Variants in FBXW5 observed in about 807,000 individuals in gnomAD.
FBXW5 encodes F-box and WD repeat domain containing 5.
Under a neutral mutation model 50.9 loss-of-function variants are expected in FBXW5, and 74 were observed. That is an observed-to-expected ratio of 1.45 (90% confidence interval 1.20 to 1.76). The LOEUF (loss-of-function observed/expected upper bound fraction) is 1.76. FBXW5 is among the 40% of genes most tolerant of loss of function. The pLI is 0.00. For missense variants in FBXW5, 1,073 were observed against 818.8 expected (o/e 1.31, Z -3.79); for synonymous variants, 523 against 362.2 (o/e 1.44, Z -5.04).
chr9:136,944,272 G>T, intron 1 of FBXW5, 166 bp from the exon 2 acceptor site: 1 of 811,448 alleles, frequency 1.2e-6, no homozygotes, highest in South Asian at 2.5e-5. Flanking sequence ...GCAGCTCCGG[G>T]CGGGCCGGGC....
At position 136,942,928 on chromosome 9, in the gene FBXW5, G is replaced by T; in HGVS notation, c.367C>A (p.Leu123Met). The stretch of plus-strand genomic sequence containing the variant: ...GCGCTGTGCAGCAGCGAGATGGTCA[G>T]GTCGTTGCTCCAGATCTGTTCGGCA... ...DCTVKIWSND[L>M]TISLLHSADM... The change falls in exon 4 of 9, where the codon CTG (leucine) becomes ATG (methionine). Residue 123 changes from leucine to methionine, a missense_variant. Physicochemically the swap from Leu to Met is conservative, Grantham distance 15. Transcript: ENST00000325285. The T allele has an allele frequency of 6.2e-7, 1 of 1,613,378 alleles. No homozygotes were observed. Among genetic ancestry groups the T allele is most frequent in the East Asian group, 2.2e-5 (1 of 44,868 alleles).
chr9:136,944,596 C>T lies in FBXW5; in HGVS notation c.-26G>A, dbSNP rs1241822344. ...CCGAGGGCCGCAGGCGCACTCACCA[C>T]GGCCGCCTCCGCCCGCTGCGCCGCC... is the stretch of plus-strand genomic sequence containing the variant. On this transcript the variant is annotated splice_region_variant and 5_prime_UTR_variant, in exon 1 of 9. It adds an upstream start codon to the 5' untranslated region. Coordinates refer to ENST00000325285, the MANE Select transcript of FBXW5 (RefSeq NM_018998.4). The T allele has an allele frequency of 2.0e-6, 2 of 984,332 alleles. No homozygotes were observed. The highest frequency in any genetic ancestry group is 2.4e-6 in the Non-Finnish European group (2 of 829,286). The allele number at this position is 984,332 out of a possible 1,614,324, so 61.0% of individuals were successfully genotyped here. A position where few individuals can be genotyped will look rare whatever the true frequency, so the allele number is the denominator to read the frequency against.
intron 3 of FBXW5, 50 bp from the exon 4 acceptor site, chr9:136,942,993 G>A (rs771926213): frequency 1.2e-6 from 2 of 1,608,644 alleles, no homozygotes; most frequent in Admixed American, 3.3e-5. Flanking sequence ...TCGCGGGGCG[G>A]GGGCCTGCTA....
Position 136,942,403 on chromosome 9 carries a change from T to C in FBXW5, c.739A>G (p.Ser247Gly). The change falls in exon 6 of 9, where the codon AGC becomes GGC. Residue 247 changes from serine (S) to glycine (G), a missense_variant. Physicochemically the swap from Ser to Gly is moderately conservative, Grantham distance 56. Coordinates refer to ENST00000325285, the MANE Select transcript of FBXW5 (RefSeq NM_018998.4). Reference protein sequence around the residue: ...RLFKIQNLNASTVRTVMVADC... With the variant: ...RLFKIQNLNAGTVRTVMVADC... The stretch of plus-strand genomic sequence containing the variant: ...GCCACCATCACCGTGCGGACGGTGC[T>C]GGCATTGAGGTTCTGGATCTTGAAC... 3.7e-6 allele frequency: 6 copies of C among 1,609,590 alleles called. No individual in the cohort carries two copies. Among genetic ancestry groups the C allele is most frequent in the African/African-American group, 1.3e-5 (1 of 74,960 alleles).
At position 136,941,348 on chromosome 9, in the gene FBXW5, G is replaced by A. The variant is rs769425591; in HGVS notation, c.1360C>T (p.Arg454Trp). Reference protein sequence around the residue: ...DLLVFDLKTMREVRRALRAHR... With the variant: ...DLLVFDLKTMWEVRRALRAHR... ...GCACGCAGAGCCCGCCTCACCTCCC[G>A]CATGGTCTTGAGGTCGAACACCAGC... is the stretch of plus-strand genomic sequence containing the variant. Residue 454 changes from arginine (R) to tryptophan (W), a missense_variant, in exon 8 of 9, where the codon CGG becomes TGG. Arg to Trp is a moderately radical substitution (Grantham distance 101). Transcript: ENST00000325285. 1.4e-5 allele frequency: 22 copies of A among 1,611,354 alleles called. No homozygotes were observed. Among genetic ancestry groups the A allele is most frequent in the African/African-American group, 6.7e-5 (5 of 74,930 alleles).
Position 136,940,543 on chromosome 9 carries a change from A to G in FBXW5, c.*385T>C, listed in dbSNP as rs968666916. The G allele has an allele frequency of 2.3e-5, 6 of 265,052 alleles. No individual in the cohort carries two copies. The highest frequency in any genetic ancestry group is 6.5e-5 in the African/African-American group (3 of 45,804). The allele number at this position is 265,052 out of a possible 1,614,324, so 16.4% of individuals were successfully genotyped here. On this transcript the variant is annotated 3_prime_UTR_variant, in exon 9 of 9. Coordinates refer to ENST00000325285, the MANE Select transcript of FBXW5 (RefSeq NM_018998.4). ...GCCGCTCCCAAGCCCCGGGCGCACA[A>G]CCACAGCCAGGAGCAGCCCCTGCCA...
intron 6 of FBXW5, 26 bp from the exon 7 acceptor site, chr9:136,941,710 C>T (rs757283364): frequency 1.3e-6 from 2 of 1,542,378 alleles, no homozygotes; most frequent in East Asian, 2.4e-5. Flanking sequence ...CGGTGAGGGT[C>T]CCTGTCCAAT....
rs755093481 is a variant in FBXW5, at chr9:136,943,994, C to T, written c.90G>A (p.Gly30=). 1.4e-4 allele frequency: 217 copies of T among 1,590,500 alleles called. No homozygotes were observed. The highest frequency in any genetic ancestry group is 1.8e-4 in the Non-Finnish European group (206 of 1,169,856). ...SLGPADVLAA[G]LVCRQWQAVS... Reference sequence around the variant, plus strand: ...CGGCCTGCCATTGGCGGCACACCAGCCCGGCGGCCAGCACGTCGGCCGGGC... The same window carrying T: ...CGGCCTGCCATTGGCGGCACACCAGTCCGGCGGCCAGCACGTCGGCCGGGC... The change falls in exon 2 of 9, where the codon GGG becomes GGA. Residue 30 remains glycine, a synonymous_variant. Coordinates refer to ENST00000325285, the MANE Select transcript of FBXW5 (RefSeq NM_018998.4).
rs62580408 is a variant in FBXW5, at chr9:136,942,958, C to T, written c.352-15G>A. On this transcript the variant is annotated splice_polypyrimidine_tract_variant and intron_variant, in intron 3 of 8. Coordinates refer to ENST00000325285, the MANE Select transcript of FBXW5 (RefSeq NM_018998.4). ...TTGCTCCAGATCTGTTCGGCAGGGG[C>T]GGCTGTAGTGATCGCCTGGCCAGGT... is the stretch of plus-strand genomic sequence containing the variant. 2,637 of 1,612,112 alleles carry T rather than the reference C, an allele frequency of 1.6e-3. 40 individuals carry two copies. The African/African-American group carries it at 0.03, about 18-fold the overall frequency.
At position 136,942,294 on chromosome 9, in the gene FBXW5, C is replaced by T. The variant is rs1850806716; in HGVS notation, c.848G>A (p.Gly283Asp). ...AGCCACCACCTCCTCGTTGTCGCTG[C>T]CCAGGTCAAAGATGCGGCAGGGGGA... ...ATSPCRIFDLGSDNEEVVAGP... is the reference protein window; with the variant it reads ...ATSPCRIFDLDSDNEEVVAGP... Residue 283 changes from glycine (G) to aspartate (D), a missense_variant, in exon 6 of 9, where the codon GGC becomes GAC. Physicochemically the swap from Gly to Asp is moderately conservative, Grantham distance 94. Coordinates refer to ENST00000325285, the MANE Select transcript of FBXW5 (RefSeq NM_018998.4). 1.9e-6 allele frequency: 3 copies of T among 1,592,740 alleles called. No individual in the cohort carries two copies. The highest frequency in any genetic ancestry group is 2.6e-6 in the Non-Finnish European group (3 of 1,170,548).
chr9:136,943,815 G>A, intron 2 of FBXW5, 76 bp downstream of exon 2: 1 of 1,469,592 alleles, frequency 6.8e-7, no homozygotes, highest in Admixed American at 2.1e-5. Flanking sequence ...CGGGCCCCCA[G>A]CCAGGCTGAC....
chr9:136,940,856 G>T lies in FBXW5; in HGVS notation c.*72C>A. On this transcript the variant is annotated 3_prime_UTR_variant, in exon 9 of 9. Coordinates refer to ENST00000325285, the MANE Select transcript of FBXW5 (RefSeq NM_018998.4). ...TGCTATAAGCATCTCCACCTCTCCC[G>T]CTCGGGAAAAAGCCACAGAGCCTGG... 6.6e-7 allele frequency: 1 copy of T among 1,514,774 alleles called. No homozygotes were observed. The allele number at this position is 1,514,774 out of a possible 1,614,324, so 93.8% of individuals were successfully genotyped here. A position where few individuals can be genotyped will look rare whatever the true frequency, so the allele number is the denominator to read the frequency against.
chr9:136,943,379 G>A lies in FBXW5; in HGVS notation c.321C>T (p.Phe107=), dbSNP rs142320232. 2.9e-4 allele frequency: 466 copies of A among 1,612,904 alleles called. No homozygotes were observed. Among genetic ancestry groups the A allele is most frequent in the Non-Finnish European group, 3.6e-4 (419 of 1,179,952 alleles). Residue 107 remains phenylalanine (F), a synonymous_variant, in exon 3 of 9, where the codon TTC becomes TTT. Coordinates refer to ENST00000325285, the MANE Select transcript of FBXW5 (RefSeq NM_018998.4). The part of the protein sequence containing the change: ...HLSFSHSGYQ[F]ASCSKDCTVK... ...CAGTGCAGTCCTTGGAGCAGGACGC[G>A]AACTGGTACCCGGAATGGGAGAAGC...
rs757957345 is a variant in FBXW5 at position 136,942,944 on chromosome 9, C to T, written c.352-1G>A. The stretch of plus-strand genomic sequence containing the variant: ...AGATGGTCAGGTCGTTGCTCCAGAT[C>T]TGTTCGGCAGGGGCGGCTGTAGTGA... On this transcript the variant is annotated splice_acceptor_variant, in intron 3 of 8. Transcript: ENST00000325285. LOFTEE classifies it high-confidence loss of function. 13 of 1,612,818 alleles carry T rather than the reference C, an allele frequency of 8.1e-6. No individual in the cohort carries two copies. Among genetic ancestry groups the T allele is most frequent in the Non-Finnish European group, 1.0e-5 (12 of 1,179,904 alleles).
In FBXW5 at chr9:136,943,451, C is replaced by T; in HGVS notation, c.249G>A (p.Val83=). The stretch of plus-strand genomic sequence containing the variant: ...TGTGTTCCCGCAGCGTCTGCACCTC[C>T]ACGCAGGGCACCGTGTCATACAGCC... The part of the protein sequence containing the change: ...FQRLYDTVPC[V]EVQTLREHTD... Residue 83 remains valine (V), a synonymous_variant, in exon 3 of 9, where the codon GTG becomes GTA. Transcript: ENST00000325285. 6.2e-7 allele frequency: 1 copy of T among 1,612,812 alleles called. No individual in the cohort carries two copies.
At position 136,944,735 on chromosome 9, in the gene FBXW5, C is replaced by A. The variant is rs190248219; in HGVS notation, c.-165G>T. The A allele has an allele frequency of 1.0e-6, 1 of 985,570 alleles. No homozygotes were observed. Among genetic ancestry groups the A allele is most frequent in the Non-Finnish European group, 1.2e-6 (1 of 829,924 alleles). 61.1% of individuals were successfully genotyped at this position (985,570 alleles called of 1,614,324 possible). The stretch of plus-strand genomic sequence containing the variant: ...CCACGAGCCCCGAGGCATCGATGGC[C>A]GAGGAAGGCAGAGCGCGCGGGTAGC... On this transcript the variant is annotated 5_prime_UTR_variant, in exon 1 of 9. Transcript: ENST00000325285.
chr9:136,941,498 C>G, intron 7 of FBXW5, 35 bp from the exon 8 acceptor site: 4 of 1,606,056 alleles, frequency 2.5e-6, no homozygotes, highest in Non-Finnish European at 3.4e-6. Flanking sequence ...TGTGGGCCGC[C>G]TGCGGGCACC....
chr9:136,942,000 C>G, intron 6 of FBXW5, 46 bp downstream of exon 6: 1 of 1,551,864 alleles, frequency 6.4e-7, no homozygotes, highest in Non-Finnish European at 8.7e-7. Context: ...CCGGCCTCCC[C>G]CAAGCTCCTA....
rs367960843 is a variant in FBXW5, at chr9:136,944,049, C to T, written c.35G>A (p.Ser12Asn). Reference sequence around the variant, plus strand: ...GCTCAGGAAGATCTGGTAGACCAGGCTGTCGGGGAGCAGGGGCGTGCCGCC... The same window carrying T: ...GCTCAGGAAGATCTGGTAGACCAGGTTGTCGGGGAGCAGGGGCGTGCCGCC... ...DEGGTPLLPD[S>N]LVYQIFLSLG... Residue 12 changes from serine (S) to asparagine (N), a missense_variant, in exon 2 of 9, where the codon AGC becomes AAC. Physicochemically the swap from Ser to Asn is conservative, Grantham distance 46 (BLOSUM62 1). Coordinates refer to ENST00000325285, the MANE Select transcript of FBXW5 (RefSeq NM_018998.4). The T allele has an allele frequency of 8.9e-5, 142 of 1,604,014 alleles. 1 individual carries two copies. The highest frequency in any genetic ancestry group is 3.4e-5 in the Admixed American group (2 of 59,244).
Sources: gnomAD v4.1 joint callset for allele counts on GRCh38, gnomAD v4.1.1 for gene constraint, MANE v1.5 for transcripts, NCBI Gene and HGNC (gene_info 2026-07-23, HGNC 2026-07-21) for gene names.